GALNT13: variants seen among roughly 807,000 people sequenced by gnomAD.
GALNT13 encodes polypeptide N-acetylgalactosaminyltransferase 13.
GALNT13 carries 28 observed loss-of-function variants against 64.2 expected under a neutral mutation model. That is an observed-to-expected ratio of 0.44 (90% CI 0.32 to 0.60). The LOEUF is 0.60. Among genes scored for constraint, GALNT13 ranks in the 20% least tolerant of loss-of-function variants. The pLI, the probability that GALNT13 is intolerant of heterozygous loss-of-function variation, is 0.05. For missense variants in GALNT13, 577 were observed against 669.8 expected, an observed-to-expected ratio of 0.86 and a Z score of 1.53; for synonymous variants, 214 against 224.6, an observed-to-expected ratio of 0.95 and a Z score of 0.42.
the GALNT13 span, among the ~76,000 whole-genome samples, chr2:153,610,867 T>G: frequency 6.6e-6 from 1 of 152,138 alleles, no homozygotes; most frequent in African/African-American, 2.4e-5. Flanking sequence ...CAAGGCAAAT[T>G]GTTTCAATGA....
the GALNT13 span, among the ~76,000 whole-genome samples, chr2:153,739,268 G>A: frequency 0.05 from 7,548 of 151,726 alleles, 277 homozygotes; most frequent in Non-Finnish European, 0.076. Flanking sequence ...ATCACAAAGA[G>A]TTCCCTAATA....
the GALNT13 span, among the ~76,000 whole-genome samples, chr2:153,836,733 C>T: frequency 1.3e-5 from 2 of 149,472 alleles, no homozygotes; most frequent in Admixed American, 6.8e-5. Flanking sequence ...GTTCAATTCC[C>T]ATCTATGAGT....
intron 3 of GALNT13, among the ~76,000 whole-genome samples, chr2:154,044,793 T>C (rs1699196332): frequency 1.3e-5 from 2 of 152,220 alleles, no homozygotes; most frequent in African/African-American, 4.8e-5. Context: ...AGGTTTTTCT[T>C]TTTTTAATTT....
the GALNT13 span, among the ~76,000 whole-genome samples, chr2:153,205,311 TGGA>T: frequency 1.3e-5 from 2 of 151,976 alleles, no homozygotes; most frequent in Admixed American, 1.3e-4. Flanking sequence ...ATTTCATGGC[TGGA>T]GGAGTTTTAT....
At chr2:154,349,055 G>A (rs926725771) in intron 9 of GALNT13, among the ~76,000 whole-genome samples, 1 of 152,266 alleles carries the variant, frequency 6.6e-6, no homozygotes, top group Non-Finnish European at 1.5e-5. Flanking sequence ...ACATTTAAAA[G>A]ATTGTAACAA....
chr2:153,231,629 A>T, the GALNT13 span, among the ~76,000 whole-genome samples: 41 of 152,322 alleles, frequency 2.7e-4, no homozygotes, highest in Middle Eastern at 3.4e-3. Context: ...GGAATAAATG[A>T]CAAAAACACA....
the GALNT13 span, among the ~76,000 whole-genome samples, chr2:153,420,169 T>C: frequency 6.6e-6 from 1 of 152,198 alleles, no homozygotes; most frequent in Non-Finnish European, 1.5e-5. Context: ...ATATAAGGAC[T>C]GTAAAGAACA....
chr2:154,163,640 A>C (rs17202144), intron 4 of GALNT13, among the ~76,000 whole-genome samples: 2 of 152,038 alleles, frequency 1.3e-5, no homozygotes, highest in African/African-American at 4.8e-5. Flanking sequence ...ATTCTTTAGC[A>C]TAATCAGAAT....
At chr2:153,844,604 A>G in the GALNT13 span, among the ~76,000 whole-genome samples, 4 of 152,196 alleles carry the variant, frequency 2.6e-5, no homozygotes, top group Non-Finnish European at 1.5e-5. Flanking sequence ...TTCTCTAACA[A>G]GTGGTTGCTT....
At chr2:154,153,369 G>A (rs888750650) in intron 4 of GALNT13, among the ~76,000 whole-genome samples, 11 of 152,282 alleles carry the variant, frequency 7.2e-5, no homozygotes, top group African/African-American at 2.2e-4. Context: ...AGGCTGCTCG[G>A]GGGTCAGGGG....
chr2:153,719,602 G>A, the GALNT13 span, among the ~76,000 whole-genome samples: 24 of 152,114 alleles, frequency 1.6e-4, no homozygotes, highest in Non-Finnish European at 2.8e-4. Flanking sequence ...CAGTGGGTGC[G>A]CGCACCGTGC....
the GALNT13 span, among the ~76,000 whole-genome samples, chr2:153,274,604 A>G: frequency 6.6e-6 from 1 of 152,220 alleles, no homozygotes; most frequent in South Asian, 2.1e-4. Flanking sequence ...TGGAACTGTG[A>G]ATACAAAATG....
chr2:154,251,664 G>A (rs1690076912), intron 7 of GALNT13, among the ~76,000 whole-genome samples: 1 of 152,068 alleles, frequency 6.6e-6, no homozygotes, highest in African/African-American at 2.4e-5. Context: ...CCAAACACAG[G>A]TTCAGATGAT....
At chr2:153,581,968 T>A in the GALNT13 span, among the ~76,000 whole-genome samples, 10,234 of 152,176 alleles carry the variant, frequency 0.067, 473 homozygotes, top group East Asian at 0.13. Context: ...CCAAAACACA[T>A]CCCTGGATGT....
chr2:153,459,246 T>C, the GALNT13 span, among the ~76,000 whole-genome samples: 1 of 151,796 alleles, frequency 6.6e-6, no homozygotes, highest in African/African-American at 2.4e-5. Flanking sequence ...AAATTAAGGA[T>C]AGAAACATGA....
the GALNT13 span, among the ~76,000 whole-genome samples, chr2:153,851,773 A>G: frequency 6.6e-6 from 1 of 152,208 alleles, no homozygotes; most frequent in Admixed American, 6.5e-5. Context: ...ATTTGTAAAT[A>G]TATAGGTAAA....
chr2:153,421,929 G>A, the GALNT13 span: 1 of 182,898 alleles, frequency 5.5e-6, no homozygotes, highest in Non-Finnish European at 1.2e-5. Flanking sequence ...CATCAGCCTC[G>A]CCAAGGTGGA....
chr2:153,819,055 T>G, the GALNT13 span, among the ~76,000 whole-genome samples: 2 of 152,122 alleles, frequency 1.3e-5, no homozygotes, highest in African/African-American at 4.8e-5. Flanking sequence ...TGAGGAACTC[T>G]CTACCCCATT....
the GALNT13 span, among the ~76,000 whole-genome samples, chr2:153,260,541 G>T: frequency 8.1e-4 from 123 of 152,230 alleles, no homozygotes; most frequent in Non-Finnish European, 1.2e-3. Flanking sequence ...TGGCCTGTAA[G>T]GTTTTCACTG....
Sources: allele counts gnomAD v4.1 joint callset (sites outside exome capture counted in the v4.1 genomes callset), GRCh38; gene constraint gnomAD v4.1.1; transcripts MANE v1.5; gene names NCBI Gene and HGNC (gene_info 2026-07-23, HGNC 2026-07-21).